Variants in ZBTB7C observed in about 807,000 individuals in gnomAD.
ZBTB7C encodes the protein zinc finger and BTB domain-containing protein 7C.
Under a neutral mutation model 25.7 loss-of-function variants are expected in ZBTB7C, and 8 were observed. That is an observed-to-expected ratio of 0.31 (90% CI 0.18 to 0.56). The LOEUF is 0.56. Among genes scored for constraint, ZBTB7C ranks in the 20% least tolerant of loss-of-function variants. ZBTB7C has a pLI of 0.91. For synonymous variants in ZBTB7C, 394 were observed against 369.0 expected (o/e 1.07, Z -0.78); for missense variants, 824 against 855.2 (o/e 0.96, Z 0.46).
intron 3 of ZBTB7C, among the ~76,000 whole-genome samples, chr18:48,063,293 C>A (rs993960587): frequency 6.6e-6 from 1 of 152,332 alleles, no homozygotes; most frequent in South Asian, 2.1e-4. Context: ...AGACAAACAG[C>A]GCAGGGGCTT....
At chr18:48,372,835 T>C (rs118079110) in intron 1 of ZBTB7C, among the ~76,000 whole-genome samples, 1 of 152,110 alleles carries the variant, frequency 6.6e-6, no homozygotes, top group African/African-American at 2.4e-5. Context: ...CCCGTCTACA[T>C]AGAATCCCCT....
At chr18:48,101,539 G>A (rs1398732664) in intron 3 of ZBTB7C, among the ~76,000 whole-genome samples, 1 of 152,192 alleles carries the variant, frequency 6.6e-6, no homozygotes, top group East Asian at 1.9e-4. Context: ...CCAGTGCTCA[G>A]TGAGGCTTTG....
intron 2 of ZBTB7C, among the ~76,000 whole-genome samples, chr18:48,318,225 C>A (rs950871115): frequency 1.6e-4 from 25 of 151,902 alleles, no homozygotes; most frequent in African/African-American, 5.8e-4. Flanking sequence ...AAAAAAAAAA[C>A]CTAAAAAAAC....
intron 3 of ZBTB7C, among the ~76,000 whole-genome samples, chr18:48,165,721 G>A (rs1040270435): frequency 3.9e-5 from 6 of 152,196 alleles, no homozygotes; most frequent in Non-Finnish European, 8.8e-5. Context: ...CTGGCTCTGA[G>A]AACTTGAGCT....
chr18:48,310,804 G>A (rs1170017667), intron 2 of ZBTB7C, among the ~76,000 whole-genome samples: 1 of 152,186 alleles, frequency 6.6e-6, no homozygotes, highest in Admixed American at 6.5e-5. Context: ...AACTCAGGCT[G>A]GCAGCAATAG....
At chr18:48,078,059 G>A (rs377582805) in intron 3 of ZBTB7C, among the ~76,000 whole-genome samples, 67 of 152,296 alleles carry the variant, frequency 4.4e-4, no homozygotes, top group African/African-American at 1.6e-3. Context: ...CCCAAGACAG[G>A]TGGAGTAGAA....
chr18:48,132,536 A>G (rs182330779), intron 3 of ZBTB7C, among the ~76,000 whole-genome samples: 3 of 152,352 alleles, frequency 2.0e-5, no homozygotes, highest in East Asian at 3.9e-4. Flanking sequence ...AAACCATTGA[A>G]TTTACACTTT....
intron 4 of ZBTB7C, among the ~76,000 whole-genome samples, chr18:48,037,457 G>A (rs552667703): frequency 2.6e-5 from 4 of 152,346 alleles, no homozygotes; most frequent in South Asian, 2.1e-4. Flanking sequence ...AAACCAGGAC[G>A]CCCACTCCCA....
At chr18:48,160,466 T>G (rs906825982) in intron 3 of ZBTB7C, among the ~76,000 whole-genome samples, 2 of 152,182 alleles carry the variant, frequency 1.3e-5, no homozygotes, top group African/African-American at 2.4e-5. Flanking sequence ...TAACTAGTAG[T>G]ATGATCTTGG....
At chr18:48,281,019 A>C (rs2044830499) in intron 2 of ZBTB7C, among the ~76,000 whole-genome samples, 1 of 151,858 alleles carries the variant, frequency 6.6e-6, no homozygotes, top group Non-Finnish European at 1.5e-5. Flanking sequence ...ATGCCCAGCT[A>C]ATTTTTGTAT....
At chr18:48,180,706 G>C (rs2041894764) in intron 3 of ZBTB7C, among the ~76,000 whole-genome samples, 1 of 152,210 alleles carries the variant, frequency 6.6e-6, no homozygotes. Context: ...TCCATGGCAA[G>C]AGATCTGAGC....
intron 1 of ZBTB7C, among the ~76,000 whole-genome samples, chr18:48,345,330 T>A (rs948115117): frequency 6.6e-6 from 1 of 152,196 alleles, no homozygotes; most frequent in African/African-American, 2.4e-5. Flanking sequence ...CCTGCAGGAT[T>A]ACTAGGAGTG....
intron 1 of ZBTB7C, among the ~76,000 whole-genome samples, chr18:48,374,883 G>T (rs558163891): frequency 2.0e-5 from 3 of 152,218 alleles, no homozygotes; most frequent in Non-Finnish European, 4.4e-5. Flanking sequence ...GCTAGACCCC[G>T]GCAGACAGCC....
chr18:48,131,639 T>G (rs1303373655), intron 3 of ZBTB7C, among the ~76,000 whole-genome samples: 1 of 152,228 alleles, frequency 6.6e-6, no homozygotes, highest in African/African-American at 2.4e-5. Context: ...CAGCATGAAA[T>G]AGAGTACTCA....
intron 3 of ZBTB7C, among the ~76,000 whole-genome samples, chr18:48,159,520 A>G (rs1199036636): frequency 1.3e-5 from 2 of 152,158 alleles, no homozygotes; most frequent in African/African-American, 4.8e-5. Context: ...TTGCTACTAC[A>G]AATCATGCCT....
chr18:48,032,203 T>C (rs534115284), intron 4 of ZBTB7C, among the ~76,000 whole-genome samples: 1 of 152,170 alleles, frequency 6.6e-6, no homozygotes, highest in Admixed American at 6.5e-5. Flanking sequence ...AACCTCCGCT[T>C]CCCAGGTTCA....
Position 48,303,771 on chromosome 18 carries a change from G to C in ZBTB7C, c.-79+34403C>G, listed in dbSNP as rs144898276. Among the ~76,000 whole-genome samples, 1,322 of 152,330 alleles carry C rather than the reference G, an allele frequency of 8.7e-3. 19 individuals are homozygous for C. Among genetic ancestry groups the C allele is most frequent in the African/African-American group, 0.031 (1,272 of 41,568 alleles). ...TAGCCCCACTTCCACTTTGCTCTGT[G>C]AACTTAGGTTAACTCACCCCTCTGG... On this transcript the variant is annotated intron_variant, in intron 2 of 4. Coordinates refer to ENST00000590800, the MANE Select transcript of ZBTB7C (RefSeq NM_001318841.2).
At chr18:48,312,560 G>A (rs1326892940) in intron 2 of ZBTB7C, among the ~76,000 whole-genome samples, 7 of 152,192 alleles carry the variant, frequency 4.6e-5, no homozygotes, top group African/African-American at 1.4e-4. Context: ...CAGCTCTGCC[G>A]CTTTCCAGCT....
chr18:48,357,548 C>T (rs1246284392), intron 1 of ZBTB7C, among the ~76,000 whole-genome samples: 1 of 152,194 alleles, frequency 6.6e-6, no homozygotes, highest in Non-Finnish European at 1.5e-5. Flanking sequence ...CCAGGTGCCC[C>T]GGGCAGTGTA....
Sources: allele counts gnomAD v4.1 joint callset (sites outside exome capture counted in the v4.1 genomes callset), GRCh38; gene constraint gnomAD v4.1.1; transcripts MANE v1.5; gene names NCBI Gene and HGNC (gene_info 2026-07-23, HGNC 2026-07-21).